Variants in SAMMSON observed in about 807,000 individuals in gnomAD.
The protein encoded by SAMMSON is long intergenic non-protein coding RNA 1212.
At chr3:70,069,665 A>T (rs1438907150) in intron 3 of SAMMSON, 1 of 152,088 alleles carries the variant, frequency 6.6e-6, no homozygotes, top group East Asian at 1.9e-4. Context: ...TTAGGGCTTT[A>T]CACTCATGAC....
intron 3 of SAMMSON, among the ~76,000 whole-genome samples, chr3:70,048,220 T>G (rs1407019570): frequency 6.6e-6 from 1 of 152,044 alleles, no homozygotes; most frequent in Non-Finnish European, 1.5e-5. Flanking sequence ...CATGATGCTT[T>G]CAATCTAGTG....
At chr3:70,168,865 G>C (rs1458754169) in intron 4 of SAMMSON, among the ~76,000 whole-genome samples, 1 of 151,920 alleles carries the variant, frequency 6.6e-6, no homozygotes, top group Non-Finnish European at 1.5e-5. Context: ...GTTACATTTG[G>C]AACCCACACC....
intron 9 of SAMMSON, among the ~76,000 whole-genome samples, chr3:70,374,774 A>T (rs1373411607): frequency 6.6e-6 from 1 of 152,092 alleles, no homozygotes; most frequent in African/African-American, 2.4e-5. Flanking sequence ...CACAGTTGGC[A>T]TTTGCTGTCA....
intron 3 of SAMMSON, among the ~76,000 whole-genome samples, chr3:70,063,896 C>T (rs1246406266): frequency 6.6e-6 from 1 of 152,128 alleles, no homozygotes. Flanking sequence ...TTAGCATCAG[C>T]ATCATCATTC....
intron 4 of SAMMSON, among the ~76,000 whole-genome samples, chr3:70,213,732 C>A (rs558958708): frequency 1.3e-5 from 2 of 152,092 alleles, no homozygotes; most frequent in African/African-American, 4.8e-5. Context: ...ATTATACTCT[C>A]TGCAGCTTGG....
In SAMMSON at chr3:70,057,013, T is replaced by G. The variant is rs143159807; in HGVS notation, n.418-14463T>G. Among the ~76,000 whole-genome samples the G allele has an allele frequency of 1.2e-4, 18 of 152,166 alleles. No individual in the cohort carries two copies. In the East Asian group the frequency reaches 3.5e-3, roughly 29 times the overall value. On this transcript the variant is annotated intron_variant and non_coding_transcript_variant, in intron 3 of 9. Transcript: ENST00000642114. ...TATCTGTAGGAAGTATCTAATCTAT[T>G]TGTGTCCCAAAGAAGGCAGGCAGGA... is the stretch of plus-strand genomic sequence containing the variant.
At chr3:70,166,786 T>G (rs2067639138) in intron 4 of SAMMSON, among the ~76,000 whole-genome samples, 1 of 151,924 alleles carries the variant, frequency 6.6e-6, no homozygotes, top group African/African-American at 2.4e-5. Context: ...GGACAAAAAT[T>G]TAGTGAATTT....
chr3:70,035,965 A>G (rs755272088), intron 3 of SAMMSON, among the ~76,000 whole-genome samples: 5 of 152,200 alleles, frequency 3.3e-5, no homozygotes, highest in Non-Finnish European at 5.9e-5. Flanking sequence ...TGGGAAAACA[A>G]TATATCAAAA....
chr3:70,044,512 A>G (rs1019429913), intron 3 of SAMMSON, among the ~76,000 whole-genome samples: 2 of 152,048 alleles, frequency 1.3e-5, no homozygotes, highest in African/African-American at 4.8e-5. Flanking sequence ...TTTTGATGTA[A>G]GTTCAAATGC....
chr3:70,145,365 G>GT (rs1209352434), intron 4 of SAMMSON, among the ~76,000 whole-genome samples: 3 of 152,202 alleles, frequency 2.0e-5, no homozygotes, highest in South Asian at 4.1e-4. Flanking sequence ...TCAAATTGAC[G>GT]TTTTTAAAAC....
At chr3:70,271,509 A>G (rs1271273035) in intron 6 of SAMMSON, among the ~76,000 whole-genome samples, 1 of 152,222 alleles carries the variant, frequency 6.6e-6, no homozygotes, top group Non-Finnish European at 1.5e-5. Flanking sequence ...TATTTTGCTT[A>G]ACTATTTAAC....
At chr3:70,303,666 T>G (rs1279778693) in intron 7 of SAMMSON, among the ~76,000 whole-genome samples, 6 of 152,124 alleles carry the variant, frequency 3.9e-5, no homozygotes, top group Admixed American at 2.6e-4. Flanking sequence ...AATGTGCCAC[T>G]CTTTGATAGT....
At chr3:70,326,424 G>T (rs745327045) in intron 7 of SAMMSON, among the ~76,000 whole-genome samples, 1 of 152,144 alleles carries the variant, frequency 6.6e-6, no homozygotes, top group Non-Finnish European at 1.5e-5. Flanking sequence ...TAAATGTTAA[G>T]TGGTTAAAAC....
chr3:70,337,689 A>C (rs1300270579), intron 7 of SAMMSON, among the ~76,000 whole-genome samples: 2 of 152,008 alleles, frequency 1.3e-5, no homozygotes, highest in Admixed American at 6.6e-5. Flanking sequence ...AACTTAAATA[A>C]TAATAGAGCA....
At chr3:70,352,057 T>C (rs538636327) in intron 7 of SAMMSON, among the ~76,000 whole-genome samples, 12 of 149,706 alleles carry the variant, frequency 8.0e-5, no homozygotes, top group Non-Finnish European at 1.0e-4. Context: ...AGAAGAAAGA[T>C]AGCAGGGCTG....
At chr3:70,223,732 C>A (rs1243034694) in intron 4 of SAMMSON, among the ~76,000 whole-genome samples, 3 of 152,184 alleles carry the variant, frequency 2.0e-5, no homozygotes, top group Non-Finnish European at 2.9e-5. Flanking sequence ...AGGACCAGGT[C>A]AGCTCCAAGC....
chr3:70,340,104 G>T (rs574312549), intron 7 of SAMMSON, among the ~76,000 whole-genome samples: 126 of 152,022 alleles, frequency 8.3e-4, no homozygotes, highest in Admixed American at 2.3e-3. Context: ...GTCCTTTGTA[G>T]GGACATGGAT....
chr3:70,102,358 T>C (rs2067349322), intron 4 of SAMMSON, among the ~76,000 whole-genome samples: 1 of 152,190 alleles, frequency 6.6e-6, no homozygotes, highest in Non-Finnish European at 1.5e-5. Flanking sequence ...ATACTTCAAT[T>C]TGGCATCAAA....
chr3:70,398,476 T>A (rs1354588450), intron 2 of SAMMSON, among the ~76,000 whole-genome samples: 1 of 152,222 alleles, frequency 6.6e-6, no homozygotes, highest in Non-Finnish European at 1.5e-5. Flanking sequence ...ACAACCCAAA[T>A]AAACATAGCA....
Sources: allele counts gnomAD v4.1 joint callset (sites outside exome capture counted in the v4.1 genomes callset), GRCh38; gene constraint gnomAD v4.1.1; transcripts MANE v1.5; gene names NCBI Gene and HGNC (gene_info 2026-07-23, HGNC 2026-07-21).